Variants in NCOR1 observed in about 807,000 individuals in gnomAD.
NCOR1 encodes the protein nuclear receptor corepressor 1, also known as protein phosphatase 1, regulatory subunit 109.
A neutral mutation model predicts 288.1 loss-of-function variants in NCOR1; 63 were observed. The ratio of observed to expected loss-of-function variants is 0.22; its 90% CI spans 0.18 to 0.27. The LOEUF (loss-of-function observed/expected upper bound fraction) is 0.27. Among genes scored for constraint, NCOR1 ranks in the 10% least tolerant of loss-of-function variants. The pLI is 1.00. For missense variants in NCOR1, 2,397 were observed against 3,019.2 expected (o/e 0.79, Z 4.83); for synonymous variants, 1,007 against 1,065.9 (o/e 0.94, Z 1.08).
intron 44 of NCOR1, among the ~76,000 whole-genome samples, chr17:16,038,983 A>T (rs1445747858): frequency 6.6e-6 from 1 of 152,070 alleles, no homozygotes; most frequent in Non-Finnish European, 1.5e-5. Context: ...GTTGGCCAGG[A>T]TGGTCTCGAT....
intron 19 of NCOR1, among the ~76,000 whole-genome samples, chr17:16,105,995 G>A (rs2068550830): frequency 6.6e-6 from 1 of 152,148 alleles, no homozygotes; most frequent in African/African-American, 2.4e-5. Flanking sequence ...AGCTACTCGG[G>A]AGGCTGAGGC....
At chr17:16,160,100 G>A (rs749063304) in intron 5 of NCOR1, among the ~76,000 whole-genome samples, 11 of 152,014 alleles carry the variant, frequency 7.2e-5, no homozygotes, top group African/African-American at 1.2e-4. Flanking sequence ...TCAAAGTGCC[G>A]GGATTACCGC....
Position 16,168,335 on chromosome 17 carries a change from G to A in NCOR1, c.436-3174C>T, listed in dbSNP as rs572088244. 2.8e-3 allele frequency among the ~76,000 whole-genome samples: 426 copies of A among 152,100 alleles called. 3 individuals are homozygous for A. The highest frequency in any genetic ancestry group is 9.5e-3 in the African/African-American group (393 of 41,500). On this transcript the variant is annotated intron_variant, in intron 4 of 45. Coordinates refer to ENST00000268712, the MANE Select transcript of NCOR1 (RefSeq NM_006311.4). ...CTTGCCTCAGCCTCCCGAGTAGCTGGGATTACAGGCGCCTGCCACCACGTC... is the reference window on the plus strand; with the variant it reads ...CTTGCCTCAGCCTCCCGAGTAGCTGAGATTACAGGCGCCTGCCACCACGTC...
At chr17:16,127,623 A>ATATGTATG (rs2074833533) in intron 14 of NCOR1, among the ~76,000 whole-genome samples, 2 of 136,976 alleles carry the variant, frequency 1.5e-5, no homozygotes, top group African/African-American at 5.9e-5. Flanking sequence ...GTATGTGTAT[A>ATATGTATG]TATACATATA....
At chr17:16,083,574 T>C (rs2063737630) in intron 23 of NCOR1, among the ~76,000 whole-genome samples, 1 of 150,620 alleles carries the variant, frequency 6.6e-6, no homozygotes, top group South Asian at 2.1e-4. Context: ...AGCAGATGGG[T>C]GGTTCATGGT....
Position 16,050,016 on chromosome 17 carries a change from G to A in NCOR1, c.6393-1028C>T, listed in dbSNP as rs565890156. Among the ~76,000 whole-genome samples, 22 of 152,072 alleles carry A rather than the reference G, an allele frequency of 1.4e-4. No homozygotes were observed. In the South Asian group the frequency reaches 3.3e-3, roughly 23 times the overall value. On this transcript the variant is annotated intron_variant, in intron 40 of 45. Transcript: ENST00000268712. ...AGTGGTCCTCTCACTTACATCTCCC[G>A]AGTAACTGGGATTACAGGCATGCGT...
chr17:16,104,310 C>G (rs901882224), intron 19 of NCOR1, among the ~76,000 whole-genome samples: 1 of 152,076 alleles, frequency 6.6e-6, no homozygotes, highest in African/African-American at 2.4e-5. Flanking sequence ...ATATAATAGA[C>G]AGCAATATAA....
chr17:16,136,347 G>A (rs532005670), intron 14 of NCOR1, among the ~76,000 whole-genome samples: 1 of 152,092 alleles, frequency 6.6e-6, no homozygotes, highest in African/African-American at 2.4e-5. Flanking sequence ...CATCATGCCC[G>A]GCTAATTTTT....
chr17:16,075,029 G>A (rs1395181686), intron 27 of NCOR1, among the ~76,000 whole-genome samples: 3 of 151,974 alleles, frequency 2.0e-5, no homozygotes, highest in Admixed American at 6.6e-5. Flanking sequence ...CACCATGCCC[G>A]GCTAATTTTT....
intron 5 of NCOR1, 54 bp from the exon 6 acceptor site, chr17:16,158,927 G>T: frequency 8.0e-7 from 1 of 1,246,236 alleles, no homozygotes; most frequent in Non-Finnish European, 1.2e-6. Flanking sequence ...ACACCCAGCA[G>T]TGATTAACCA....
At chr17:16,146,259 C>T in intron 10 of NCOR1, 117 bp downstream of exon 10, 2 of 884,848 alleles carry the variant, frequency 2.3e-6, no homozygotes, top group South Asian at 3.8e-5. Context: ...CCTGCCAAAT[C>T]CCCCTCTCCG....
At chr17:16,181,498 G>C (rs2085479700) in intron 3 of NCOR1, among the ~76,000 whole-genome samples, 1 of 151,890 alleles carries the variant, frequency 6.6e-6, no homozygotes, top group Non-Finnish European at 1.5e-5. Flanking sequence ...CAAAATAGCA[G>C]ATGTGTGGGA....
Position 16,051,668 on chromosome 17 carries a change from T to C in NCOR1, c.6393-2680A>G, listed in dbSNP as rs546957738. 2.6e-5 allele frequency among the ~76,000 whole-genome samples: 4 copies of C among 152,166 alleles called. No individual in the cohort carries two copies. The East Asian group carries it at 7.8e-4, about 30-fold the overall frequency. The stretch of plus-strand genomic sequence containing the variant: ...GGCTCACACCTGTAATCCCAGCACG[T>C]GGGGACGCTAAGGCAGGCGGATCAC... On this transcript the variant is annotated intron_variant, in intron 40 of 45. Transcript: ENST00000268712.
rs759879546 is a variant in NCOR1 at position 16,057,708 on chromosome 17, A to C, written c.6198T>G (p.Asn2066Lys). The C allele has an allele frequency of 6.2e-7, 1 of 1,614,078 alleles. No homozygotes were observed. The highest frequency in any genetic ancestry group is 8.5e-7 in the Non-Finnish European group (1 of 1,179,980). Reference protein sequence around the residue: ...CQIITQDFARNQVSSQTPQQP... With the variant: ...CQIITQDFARKQVSSQTPQQP... ...GCTGGGGAGTCTGCGAGGAAACTTG[A>C]TTTCTAGCAAAATCTTGTGTGATAA... Residue 2066 changes from asparagine to lysine, a missense_variant, in exon 40 of 46, where the codon AAT becomes AAG. This residue lies in a region of NCOR1 where 1,872 missense variants were observed against 2,187.8 expected (regional missense o/e 0.86). Transcript: ENST00000268712.
intron 42 of NCOR1, chr17:16,040,734 A>G (rs2057406667): frequency 1.9e-6 from 1 of 535,084 alleles, no homozygotes; most frequent in African/African-American, 1.9e-5. Context: ...AGGAACATCA[A>G]AAGAAGAGCA....
At chr17:16,076,142 T>C (rs2062421284) in intron 26 of NCOR1, among the ~76,000 whole-genome samples, 1 of 152,268 alleles carries the variant, frequency 6.6e-6, no homozygotes, top group Admixed American at 6.5e-5. Context: ...TGTTTTCTTC[T>C]GAATGTAGTT....
In NCOR1 at chr17:16,126,062, T is replaced by C. The variant is rs768024257; in HGVS notation, c.1634+20A>G. ...AAAAATAAACATTTAACTTATTATA[T>C]AACTAATTATTTAACTCACTTGGAG... On this transcript the variant is annotated intron_variant, in intron 15 of 45. Coordinates refer to ENST00000268712, the MANE Select transcript of NCOR1 (RefSeq NM_006311.4). The C allele has an allele frequency of 9.3e-6, 10 of 1,074,626 alleles. No homozygotes were observed. Among genetic ancestry groups the C allele is most frequent in the Non-Finnish European group, 1.3e-5 (10 of 759,070 alleles). 66.6% of individuals were successfully genotyped at this position (1,074,626 alleles called of 1,614,324 possible).
chr17:16,182,036 A>C (rs1314893542), intron 3 of NCOR1, among the ~76,000 whole-genome samples: 1 of 152,218 alleles, frequency 6.6e-6, no homozygotes, highest in African/African-American at 2.4e-5. Flanking sequence ...ATAATTTTAG[A>C]TATCAGATCA....
chr17:16,161,126 T>A (rs1004797379), intron 5 of NCOR1, among the ~76,000 whole-genome samples: 7 of 152,058 alleles, frequency 4.6e-5, no homozygotes, highest in Non-Finnish European at 1.0e-4. Context: ...GGCCTTCTTT[T>A]AGAATCCTTG....
Sources: allele counts gnomAD v4.1 joint callset (sites outside exome capture counted in the v4.1 genomes callset), GRCh38; gene constraint gnomAD v4.1.1; regional missense constraint gnomAD v4.1.1; transcripts MANE v1.5; gene names NCBI Gene and HGNC (gene_info 2026-07-23, HGNC 2026-07-21).